SLC30A7: variants seen among roughly 807,000 people sequenced by gnomAD.
The protein encoded by SLC30A7 is solute carrier family 30 member 7, also known as zinc transporter 7.
A neutral mutation model predicts 46.0 loss-of-function variants in SLC30A7; 35 were observed. The ratio of observed to expected loss-of-function variants is 0.76; its 90% CI spans 0.58 to 1.01. The LOEUF is 1.01. SLC30A7 is among the 50% of genes least tolerant of loss of function. The probability of loss-of-function intolerance (pLI) is 0.00; values close to 1 mark genes in which losing one functional copy is unlikely to be tolerated. For missense variants in SLC30A7, 464 were observed against 451.1 expected, an observed-to-expected ratio of 1.03 and a Z score of -0.26; for synonymous variants, 147 against 157.8, an observed-to-expected ratio of 0.93 and a Z score of 0.51.
chr1:100,994,540 CTT>C, the SLC30A7 span, among the ~76,000 whole-genome samples: 3 of 142,526 alleles, frequency 2.1e-5, no homozygotes, highest in Non-Finnish European at 1.5e-5. Flanking sequence ...AAACCCATGC[CTT>C]TTTTTTTTTT....
At chr1:100,970,291 G>A (rs112788582) in intron 10 of SLC30A7, among the ~76,000 whole-genome samples, 7 of 152,166 alleles carry the variant, frequency 4.6e-5, no homozygotes, top group African/African-American at 1.4e-4. Context: ...AAACTTTTAT[G>A]AGGATAACTT....
intron 8 of SLC30A7, among the ~76,000 whole-genome samples, chr1:100,953,142 T>G (rs909371752): frequency 6.6e-6 from 1 of 152,212 alleles, no homozygotes; most frequent in African/African-American, 2.4e-5. Flanking sequence ...TCCTGTCTTC[T>G]TCACCTTCTG....
intron 8 of SLC30A7, among the ~76,000 whole-genome samples, chr1:100,960,987 C>T (rs1457201920): frequency 7.6e-6 from 1 of 131,600 alleles, no homozygotes; most frequent in South Asian, 2.4e-4. Flanking sequence ...GAGAGTCTCG[C>T]TCTGTCACCC....
chr1:100,961,723 G>T (rs570228973), intron 8 of SLC30A7, 105 bp from the exon 9 acceptor site: 2 of 522,284 alleles, frequency 3.8e-6, no homozygotes, highest in Non-Finnish European at 3.4e-6. Flanking sequence ...TATTATTCCC[G>T]TAAGTCCTAT....
In SLC30A7 at chr1:100,918,090, A is replaced by G. The variant is rs1570528041; in HGVS notation, c.669A>G (p.Leu223=). ...GHFHSHDGPS[L]KETTGPSRQI... ...AATTCTCTACAGATGGCCCGTCCTT[A>G]AAAGAAACAACAGGACCCAGCAGAC... The change falls in exon 7 of 11, where the codon TTA becomes TTG. Residue 223 remains leucine, a synonymous_variant. Coordinates refer to ENST00000357650, the MANE Select transcript of SLC30A7 (RefSeq NM_133496.5). The G allele has an allele frequency of 1.4e-5, 23 of 1,612,606 alleles. No homozygotes were observed. In the East Asian group the frequency reaches 4.9e-4, roughly 34 times the overall value.
At chr1:100,911,279 C>T (rs1463469025) in intron 4 of SLC30A7, 129 bp downstream of exon 4, 31 of 581,742 alleles carry the variant, frequency 5.3e-5, no homozygotes, top group Non-Finnish European at 7.6e-5. Context: ...TAGATATGTG[C>T]GTACAAGAGG....
chr1:100,924,582 A>G lies in SLC30A7; in HGVS notation c.842+2741A>G, dbSNP rs577736359. 1.8e-4 allele frequency among the ~76,000 whole-genome samples: 28 copies of G among 151,790 alleles called. No homozygotes were observed. In the South Asian group the frequency reaches 5.8e-3, roughly 32 times the overall value. ...ACCCTTTTCATGGCATTTACTTACC[A>G]TAGCCTATTTGTTATTGCCCTCAAG... On this transcript the variant is annotated intron_variant, in intron 8 of 10. Transcript: ENST00000357650.
chr1:100,926,380 C>T (rs1162641645), intron 8 of SLC30A7, among the ~76,000 whole-genome samples: 1 of 152,040 alleles, frequency 6.6e-6, no homozygotes, highest in Non-Finnish European at 1.5e-5. Flanking sequence ...GGGGAGGCCT[C>T]AGGAATCTTA....
At chr1:100,903,695 G>A (rs1327506099) in intron 2 of SLC30A7, among the ~76,000 whole-genome samples, 1 of 152,106 alleles carries the variant, frequency 6.6e-6, no homozygotes, top group East Asian at 1.9e-4. Flanking sequence ...AAAATCTTTT[G>A]TAATGATTTG....
At chr1:100,919,418 T>G (rs1471652441) in intron 7 of SLC30A7, among the ~76,000 whole-genome samples, 3 of 152,190 alleles carry the variant, frequency 2.0e-5, no homozygotes, top group Admixed American at 1.3e-4. Context: ...TCACTATTTC[T>G]TTATATAACT....
intron 8 of SLC30A7, among the ~76,000 whole-genome samples, chr1:100,959,231 A>C (rs1655404260): frequency 6.6e-6 from 1 of 152,190 alleles, no homozygotes; most frequent in South Asian, 2.1e-4. Context: ...CACATTTCTT[A>C]GTGGTAAAGG....
chr1:100,911,639 C>G (rs1002104557), intron 4 of SLC30A7, among the ~76,000 whole-genome samples: 1 of 152,110 alleles, frequency 6.6e-6, no homozygotes, highest in Non-Finnish European at 1.5e-5. Flanking sequence ...CAACTTGCGC[C>G]TCCTGGTGTA....
chr1:100,903,623 C>G (rs936873902), intron 2 of SLC30A7, among the ~76,000 whole-genome samples: 3 of 152,044 alleles, frequency 2.0e-5, no homozygotes, highest in African/African-American at 7.2e-5. Flanking sequence ...CTTAAACTTT[C>G]TAATATATCT....
chr1:100,941,888 G>A (rs932388501), intron 8 of SLC30A7: 22 of 385,876 alleles, frequency 5.7e-5, no homozygotes, highest in Non-Finnish European at 7.8e-5. Flanking sequence ...CCCATTGCTC[G>A]GAATGGCTCC....
chr1:100,991,192 T>G, the SLC30A7 span, among the ~76,000 whole-genome samples: 1 of 152,238 alleles, frequency 6.6e-6, no homozygotes, highest in Admixed American at 6.5e-5. Context: ...ATAGATTCCT[T>G]AACAAATAAT....
chr1:100,910,420 A>T (rs941083881), intron 3 of SLC30A7, among the ~76,000 whole-genome samples: 1 of 152,164 alleles, frequency 6.6e-6, no homozygotes, highest in African/African-American at 2.4e-5. Flanking sequence ...CAGGTATTTT[A>T]AAAATAGTTT....
At chr1:100,907,553 T>C (rs1038809514) in intron 3 of SLC30A7, among the ~76,000 whole-genome samples, 1 of 152,170 alleles carries the variant, frequency 6.6e-6, no homozygotes, top group African/African-American at 2.4e-5. Context: ...TGTTTCCTTT[T>C]TTGAGTTCAT....
chr1:100,986,322 T>A (rs1657266702), downstream of SLC30A7, among the ~76,000 whole-genome samples: 1 of 151,586 alleles, frequency 6.6e-6, no homozygotes, highest in Admixed American at 6.6e-5. Context: ...GACATGAGAA[T>A]AGCTTGAACC....
At chr1:100,986,178 G>A (rs1313420831), downstream of SLC30A7, among the ~76,000 whole-genome samples, 1 of 152,190 alleles carries the variant, frequency 6.6e-6, no homozygotes, top group Non-Finnish European at 1.5e-5. Context: ...GGGAGGCCAA[G>A]GCAGGCAGAT....
Sources: allele counts gnomAD v4.1 joint callset (sites outside exome capture counted in the v4.1 genomes callset), GRCh38; gene constraint gnomAD v4.1.1; transcripts MANE v1.5; gene names NCBI Gene and HGNC (gene_info 2026-07-23, HGNC 2026-07-21).